GRM7: variants seen among roughly 807,000 people sequenced by gnomAD.
The protein encoded by GRM7 is glutamate metabotropic receptor 7.
GRM7 carries 35 observed loss-of-function variants against 84.5 expected under a neutral mutation model. That is an observed-to-expected ratio of 0.41 (90% CI 0.32 to 0.55). The LOEUF is 0.55. Among genes scored for constraint, GRM7 ranks in the 20% least tolerant of loss-of-function variants. The probability of loss-of-function intolerance (pLI) is 0.19; values close to 1 mark genes in which losing one functional copy is unlikely to be tolerated. For synonymous variants in GRM7, 487 were observed against 455.1 expected (o/e 1.07, Z -0.89); for missense variants, 1,003 against 1,194.6 (o/e 0.84, Z 2.36).
chr3:7,178,944 CA>C (rs35719504), intron 2 of GRM7, among the ~76,000 whole-genome samples: 50,546 of 149,556 alleles, frequency 0.34, 9,272 homozygotes, highest in African/African-American at 0.49. Flanking sequence ...CAAAAAAATA[CA>C]AAAAAAAAAT....
chr3:7,160,947 T>C (rs1284372510), intron 2 of GRM7, among the ~76,000 whole-genome samples: 4 of 152,120 alleles, frequency 2.6e-5, no homozygotes, highest in African/African-American at 9.7e-5. Flanking sequence ...ACACAGTGTG[T>C]TCTCAAATAT....
chr3:6,965,400 C>T (rs1197197539), intron 1 of GRM7, among the ~76,000 whole-genome samples: 1 of 152,156 alleles, frequency 6.6e-6, no homozygotes, highest in Non-Finnish European at 1.5e-5. Context: ...TCACTGCAGC[C>T]TCAACCTCCC....
At chr3:7,696,039 C>T (rs778773020) in intron 9 of GRM7, among the ~76,000 whole-genome samples, 1 of 152,072 alleles carries the variant, frequency 6.6e-6, no homozygotes, top group African/African-American at 2.4e-5. Context: ...AGAAGATTTC[C>T]ATTATCACAA....
rs115294631 is a variant in GRM7 at position 7,069,503 on chromosome 3, C to T, written c.520-76949C>T. Among the ~76,000 whole-genome samples the T allele has an allele frequency of 5.6e-3, 859 of 152,184 alleles. 9 individuals carry two copies. Among genetic ancestry groups the T allele is most frequent in the African/African-American group, 0.019 (792 of 41,558 alleles). On this transcript the variant is annotated intron_variant, in intron 1 of 9. Coordinates refer to ENST00000357716, the MANE Select transcript of GRM7 (RefSeq NM_000844.4). ...GGCAGTCCATAGAGGTTAGCTTCAACAGAGCAAGGTGAGAATTAAGGATGG... is the reference window on the plus strand; with the variant it reads ...GGCAGTCCATAGAGGTTAGCTTCAATAGAGCAAGGTGAGAATTAAGGATGG...
At chr3:7,070,332 A>G (rs1350701471) in intron 1 of GRM7, among the ~76,000 whole-genome samples, 11 of 152,148 alleles carry the variant, frequency 7.2e-5, no homozygotes, top group Non-Finnish European at 1.5e-5. Context: ...AAAATAAAAA[A>G]ATAACCTGCT....
intron 8 of GRM7, among the ~76,000 whole-genome samples, chr3:7,617,874 C>T (rs1401482380): frequency 6.6e-6 from 1 of 152,056 alleles, no homozygotes. Flanking sequence ...ACCCATCAAT[C>T]AATAAATAGC....
At chr3:7,683,469 C>T (rs1700457734) in intron 9 of GRM7, among the ~76,000 whole-genome samples, 2 of 152,130 alleles carry the variant, frequency 1.3e-5, no homozygotes, top group African/African-American at 2.4e-5. Context: ...TGTGTAGACA[C>T]ACCCTAAAAC....
At chr3:7,658,796 A>T (rs1488073998) in intron 8 of GRM7, among the ~76,000 whole-genome samples, 1 of 152,220 alleles carries the variant, frequency 6.6e-6, no homozygotes, top group Non-Finnish European at 1.5e-5. Context: ...ATTGAATTTG[A>T]ATCTTTGAAC....
At chr3:7,288,108 G>C (rs1255711098) in intron 2 of GRM7, among the ~76,000 whole-genome samples, 1 of 152,050 alleles carries the variant, frequency 6.6e-6, no homozygotes, top group Non-Finnish European at 1.5e-5. Flanking sequence ...AACAAGACTA[G>C]AGATCTGAAT....
Position 7,516,076 on chromosome 3 carries a change from A to G in GRM7, c.1515+54354A>G, listed in dbSNP as rs530833503. 3.4e-5 allele frequency among the ~76,000 whole-genome samples: 5 copies of G among 146,574 alleles called. No homozygotes were observed. In the South Asian group the frequency reaches 1.1e-3, roughly 33 times the overall value. On this transcript the variant is annotated intron_variant, in intron 7 of 9. Coordinates refer to ENST00000357716, the MANE Select transcript of GRM7 (RefSeq NM_000844.4). The stretch of plus-strand genomic sequence containing the variant: ...CAACTACTTGGGATGCTGAGGTGGG[A>G]GGATCTTGAGGCTGGAAGGTAGAGC...
At chr3:6,880,483 T>G (rs187439206) in intron 1 of GRM7, among the ~76,000 whole-genome samples, 2 of 152,186 alleles carry the variant, frequency 1.3e-5, no homozygotes, top group African/African-American at 2.4e-5. Flanking sequence ...CTGGAAGAAG[T>G]GGACAGAGAA....
At chr3:7,163,060 T>G (rs1449863841) in intron 2 of GRM7, among the ~76,000 whole-genome samples, 4 of 151,824 alleles carry the variant, frequency 2.6e-5, no homozygotes, top group African/African-American at 9.7e-5. Flanking sequence ...ATGCCCAGCC[T>G]ACTCTTCTAG....
Position 7,683,244 on chromosome 3 carries a change from C to T in GRM7, c.2698+2949C>T, listed in dbSNP as rs1338480267. ...AGTAACCTGAGCTCAAAGAAGGCTG[C>T]CCAGGTAGAGGCCTCATTTGATTAA... On this transcript the variant is annotated intron_variant, in intron 9 of 9. Coordinates refer to ENST00000357716, the MANE Select transcript of GRM7 (RefSeq NM_000844.4). Among the ~76,000 whole-genome samples, 12 of 152,110 alleles carry T rather than the reference C, an allele frequency of 7.9e-5. No individual in the cohort carries two copies. In the East Asian group the frequency reaches 1.3e-3, roughly 17 times the overall value.
At chr3:6,901,057 C>A (rs1464210947) in intron 1 of GRM7, among the ~76,000 whole-genome samples, 1 of 152,170 alleles carries the variant, frequency 6.6e-6, no homozygotes, top group African/African-American at 2.4e-5. Context: ...GTTTTCCTAA[C>A]TCTTAGAGCT....
intron 5 of GRM7, among the ~76,000 whole-genome samples, chr3:7,450,504 T>G (rs2124888137): frequency 6.6e-6 from 1 of 152,306 alleles, no homozygotes; most frequent in East Asian, 1.9e-4. Context: ...TTCTATACTT[T>G]TTAGACTGTT....
chr3:7,575,838 T>C (rs1047359771), intron 7 of GRM7, among the ~76,000 whole-genome samples: 4 of 152,130 alleles, frequency 2.6e-5, no homozygotes, highest in Admixed American at 6.5e-5. Context: ...ACAGCTCCTG[T>C]ATATATTTGG....
At chr3:6,979,516 C>T (rs2124828377) in intron 1 of GRM7, among the ~76,000 whole-genome samples, 1 of 151,886 alleles carries the variant, frequency 6.6e-6, no homozygotes, top group South Asian at 2.1e-4. Flanking sequence ...GTGAGGATCT[C>T]AGTGATATTT....
chr3:7,101,712 G>A (rs772015483), intron 1 of GRM7, among the ~76,000 whole-genome samples: 2 of 148,914 alleles, frequency 1.3e-5, no homozygotes, highest in Non-Finnish European at 3.0e-5. Context: ...TGTTTTCATA[G>A]TTTTTGCTTT....
intron 1 of GRM7, among the ~76,000 whole-genome samples, chr3:6,902,797 G>C (rs1212629021): frequency 6.6e-6 from 1 of 150,768 alleles, no homozygotes; most frequent in East Asian, 1.9e-4. Context: ...AGTGTAGTAA[G>C]GTATAGTATG....
Sources: gnomAD v4.1 joint callset for allele counts (sites outside exome capture counted in the v4.1 genomes callset) on GRCh38, gnomAD v4.1.1 for gene constraint, MANE v1.5 for transcripts, NCBI Gene and HGNC (gene_info 2026-07-23, HGNC 2026-07-21) for gene names.